ZSWIM4: variants seen among roughly 807,000 people sequenced by gnomAD.
ZSWIM4 encodes the protein zinc finger SWIM-type containing 4.
A neutral mutation model predicts 102.5 loss-of-function variants in ZSWIM4; 62 were observed. The ratio of observed to expected loss-of-function variants is 0.60; its 90% CI spans 0.49 to 0.75. The LOEUF (loss-of-function observed/expected upper bound fraction) is 0.75, where lower values mean the gene tolerates loss of function less well. Among genes scored for constraint, ZSWIM4 ranks in the 30% least tolerant of loss-of-function variants. ZSWIM4 has a pLI of 0.00. For synonymous variants in ZSWIM4, 652 were observed against 674.5 expected (o/e 0.97, Z 0.52); for missense variants, 1,280 against 1,529.6 (o/e 0.84, Z 2.72).
intron 2 of ZSWIM4, among the ~76,000 whole-genome samples, chr19:13,800,209 C>T (rs1412736144): frequency 1.5e-5 from 2 of 132,312 alleles, no homozygotes; most frequent in Non-Finnish European, 3.1e-5. Context: ...GGATTACAGG[C>T]GCCCGCCACC....
At chr19:13,818,928 A>G (rs1266464024) in intron 9 of ZSWIM4, among the ~76,000 whole-genome samples, 1 of 143,704 alleles carries the variant, frequency 7.0e-6, no homozygotes, top group Non-Finnish European at 1.5e-5. Context: ...CAGTGGCGCA[A>G]TCTCGGCTCA....
At chr19:13,819,628 G>A in intron 10 of ZSWIM4, 136 bp downstream of exon 10, 1 of 803,150 alleles carries the variant, frequency 1.2e-6, no homozygotes, top group Non-Finnish European at 1.8e-6. Flanking sequence ...CCTGGCATTT[G>A]ATGATGCCAT....
At chr19:13,813,836 G>C (rs375344150) in intron 6 of ZSWIM4, among the ~76,000 whole-genome samples, 1 of 150,506 alleles carries the variant, frequency 6.6e-6, no homozygotes, top group Non-Finnish European at 1.5e-5. Flanking sequence ...TGGGAGAATC[G>C]CTTGAGCCTG....
At chr19:13,814,442 G>T in intron 6 of ZSWIM4, 73 bp from the exon 7 acceptor site, 1 of 880,318 alleles carries the variant, frequency 1.1e-6, no homozygotes. Context: ...AGTACTTGGT[G>T]GGAAAAGCTG....
In ZSWIM4 at chr19:13,819,385, G is replaced by T. The variant is rs938673428; in HGVS notation, c.1953G>T (p.Val651=). 1 of 1,613,768 alleles carries T rather than the reference G, an allele frequency of 6.2e-7. No individual in the cohort carries two copies. Residue 651 remains valine, a synonymous_variant, in exon 10 of 14, where the codon GTG becomes GTT. Transcript: ENST00000590508. The stretch of plus-strand genomic sequence containing the variant: ...GTCCCTTCAGTGGCTTTGGGGAGGT[G>T]CTGTTCCGGGAGAGCGTGCCCATGC... ...EGGPFSGFGE[V]LFRESVPMHT...
intron 2 of ZSWIM4, among the ~76,000 whole-genome samples, chr19:13,801,915 C>T (rs1208193088): frequency 2.0e-5 from 3 of 150,702 alleles, no homozygotes; most frequent in Non-Finnish European, 4.4e-5. Flanking sequence ...GTGATCCACC[C>T]GCCTCAGCCT....
rs1975221488 is a variant in ZSWIM4, at chr19:13,814,789, G to A, written c.1455G>A (p.Arg485=). The A allele has an allele frequency of 2.3e-6, 3 of 1,284,954 alleles. No homozygotes were observed. The highest frequency in any genetic ancestry group is 3.0e-6 in the Non-Finnish European group (3 of 985,284). 79.6% of individuals were successfully genotyped at this position (1,284,954 alleles called of 1,614,324 possible). ...ACGGATACCCCCGCCAGGCCCTGCG[G>A]CTGGCAAGTGCCATCATCAACACAC... ...RAHGYPRQAL[R]LASAIINTLR... Residue 485 remains arginine, a synonymous_variant, in exon 7 of 14, where the codon CGG becomes CGA. Coordinates refer to ENST00000590508, the MANE Select transcript of ZSWIM4 (RefSeq NM_001367834.3).
chr19:13,821,582 A>G (rs552854543), intron 10 of ZSWIM4, among the ~76,000 whole-genome samples: 14 of 152,234 alleles, frequency 9.2e-5, no homozygotes, highest in African/African-American at 3.1e-4. Flanking sequence ...GTCTCGCTCC[A>G]TTGCCCAGGC....
At chr19:13,821,104 T>C (rs1251246628) in intron 10 of ZSWIM4, among the ~76,000 whole-genome samples, 1 of 151,828 alleles carries the variant, frequency 6.6e-6, no homozygotes, top group Non-Finnish European at 1.5e-5. Flanking sequence ...GCCAACATAG[T>C]GAAAACCTAT....
chr19:13,812,831 G>C (rs1395042932), intron 5 of ZSWIM4, among the ~76,000 whole-genome samples, 166 bp from the exon 6 acceptor site: 2 of 152,036 alleles, frequency 1.3e-5, no homozygotes, highest in Non-Finnish European at 2.9e-5. Flanking sequence ...TTATGTCTCT[G>C]TGCCTCAGTT....
chr19:13,826,534 A>AG (rs778540974), intron 12 of ZSWIM4, among the ~76,000 whole-genome samples: 15 of 151,962 alleles, frequency 9.9e-5, no homozygotes, highest in South Asian at 6.2e-4. Context: ...TGGGAGGCCG[A>AG]GGGGGGCAGA....
rs377200213 is a variant in ZSWIM4, at chr19:13,819,478, G to T, written c.2046G>T (p.Ala682=). The change falls in exon 10 of 14, where the codon GCG becomes GCT. Residue 682 remains alanine (A), a synonymous_variant. Coordinates refer to ENST00000590508, the MANE Select transcript of ZSWIM4 (RefSeq NM_001367834.3). ...PHDPDLAYRL[A]LRAMRLPILE... ...ACCCGGACCTGGCCTATCGCCTCGC[G>T]CTGCGAGCTATGAGGTGAGGATAGG... is the stretch of plus-strand genomic sequence containing the variant. The T allele has an allele frequency of 1.2e-6, 2 of 1,602,458 alleles. No homozygotes were observed. Among genetic ancestry groups the T allele is most frequent in the African/African-American group, 1.3e-5 (1 of 74,704 alleles).
intron 1 of ZSWIM4, among the ~76,000 whole-genome samples, 154 bp from the exon 2 acceptor site, chr19:13,799,566 G>A (rs976109724): frequency 1.3e-5 from 2 of 151,924 alleles, no homozygotes; most frequent in Non-Finnish European, 2.9e-5. Flanking sequence ...GTGAGCCATC[G>A]TGCCCGGCCA....
intron 3 of ZSWIM4, among the ~76,000 whole-genome samples, chr19:13,807,833 T>C (rs1974961605): frequency 6.6e-6 from 1 of 151,944 alleles, no homozygotes; most frequent in Admixed American, 6.6e-5. Context: ...TCAGGTAAGA[T>C]AGATGAATGG....
intron 11 of ZSWIM4, among the ~76,000 whole-genome samples, chr19:13,824,734 A>AAAC (rs561171851): frequency 6.8e-6 from 1 of 146,770 alleles, no homozygotes; most frequent in African/African-American, 2.5e-5. Flanking sequence ...CTCCATCTCA[A>AAAC]AATAATAATA....
chr19:13,827,193 G>T lies in ZSWIM4; in HGVS notation c.2380-1452G>T, dbSNP rs57710064. Among the ~76,000 whole-genome samples, 1,191 of 151,856 alleles carry T rather than the reference G, an allele frequency of 7.8e-3. 15 individuals are homozygous for T. The highest frequency in any genetic ancestry group is 0.027 in the African/African-American group (1,120 of 41,430). On this transcript the variant is annotated intron_variant, in intron 12 of 13. Transcript: ENST00000590508. ...TCCCAGCTCCTCAGGAGGCTGAGGC[G>T]AGAGGATCGCTTGAGGCCAGGAGTT...
chr19:13,814,690 C>A lies in ZSWIM4; in HGVS notation c.1356C>A (p.Asp452Glu), dbSNP rs1273671362. 3.1e-6 allele frequency: 4 copies of A among 1,284,308 alleles called. No individual in the cohort carries two copies. Among genetic ancestry groups the A allele is most frequent in the Non-Finnish European group, 4.1e-6 (4 of 985,182 alleles). The allele number at this position is 1,284,308 out of a possible 1,614,324, so 79.6% of individuals were successfully genotyped here. Residue 452 changes from aspartate (D) to glutamate (E), a missense_variant, in exon 7 of 14, where the codon GAC becomes GAA. Transcript: ENST00000590508. ...TGGGTGGGGACAAACCGACTTTCGA[C>A]CCCCAGGGCCGCCCACTGTGGCTGG... ...GSVGGDKPTF[D>E]PQGRPLWLGE...
At position 13,797,636 on chromosome 19, in the gene ZSWIM4, G is replaced by T. The variant is rs768031783; in HGVS notation, c.153+1835G>T. 4.5e-4 allele frequency among the ~76,000 whole-genome samples: 63 copies of T among 139,824 alleles called. 1 individual carries two copies. Among genetic ancestry groups the T allele is most frequent in the Non-Finnish European group, 5.5e-4 (37 of 66,732 alleles). The allele number at this position is 139,824 out of a possible 152,430, so 91.7% of individuals were successfully genotyped here. On this transcript the variant is annotated intron_variant, in intron 1 of 13. Coordinates refer to ENST00000590508, the MANE Select transcript of ZSWIM4 (RefSeq NM_001367834.3). ...TGATGAGCTTAAAAAGAAAAGAAAA[G>T]AAAATCTTTGTATTTATTTATTTAT...
chr19:13,819,253 C>T, intron 9 of ZSWIM4, 104 bp from the exon 10 acceptor site: 6 of 1,502,336 alleles, frequency 4.0e-6, no homozygotes, highest in South Asian at 1.3e-5. Flanking sequence ...CCACTCTACC[C>T]AGGGGCCAGC....
Sources: gnomAD v4.1 joint callset for allele counts (sites outside exome capture counted in the v4.1 genomes callset) on GRCh38, gnomAD v4.1.1 for gene constraint, MANE v1.5 for transcripts, NCBI Gene and HGNC (gene_info 2026-07-23, HGNC 2026-07-21) for gene names.